The following ASTN1 variants were observed in gnomAD, a reference collection of about 807,000 sequenced individuals.
The protein encoded by ASTN1 is astrotactin 1, also known as astrotactin-1.
In ASTN1, 41 loss-of-function variants were observed where a neutral mutation model predicts 140.7. That is an observed-to-expected ratio of 0.29 (90% CI 0.23 to 0.38). The LOEUF is 0.38. ASTN1 is among the 10% of genes least tolerant of loss of function. The probability of loss-of-function intolerance (pLI) is 1.00; values close to 1 mark genes in which losing one functional copy is unlikely to be tolerated. For synonymous variants in ASTN1, 640 were observed against 652.2 expected, an observed-to-expected ratio of 0.98 and a Z score of 0.29; for missense variants, 1,479 against 1,678.8, an observed-to-expected ratio of 0.88 and a Z score of 2.08.
chr1:177,017,096 G>A (rs1305992074), intron 7 of ASTN1, among the ~76,000 whole-genome samples: 1 of 152,184 alleles, frequency 6.6e-6, no homozygotes. Context: ...CAAAGTTCAA[G>A]CCGAGCCTTA....
intron 1 of ASTN1, among the ~76,000 whole-genome samples, chr1:177,094,106 T>C (rs894014641): frequency 6.6e-6 from 1 of 152,184 alleles, no homozygotes; most frequent in Non-Finnish European, 1.5e-5. Context: ...TGATCACCAT[T>C]GTCATTTCAG....
intron 1 of ASTN1, among the ~76,000 whole-genome samples, chr1:177,084,949 T>C (rs1284297575): frequency 2.0e-5 from 3 of 152,164 alleles, no homozygotes; most frequent in East Asian, 1.9e-4. Context: ...AAGAAGGGCA[T>C]TGGCGTAAGA....
intron 14 of ASTN1, 96 bp downstream of exon 14, chr1:176,943,795 A>T: frequency 7.0e-7 from 1 of 1,420,164 alleles, no homozygotes; most frequent in South Asian, 1.6e-5. Context: ...TCACTGGCTT[A>T]GAAACCAAAA....
intron 1 of ASTN1, among the ~76,000 whole-genome samples, chr1:177,114,455 A>T (rs1239015573): frequency 6.6e-6 from 1 of 152,092 alleles, no homozygotes; most frequent in East Asian, 1.9e-4. Context: ...TTAAATTGTT[A>T]CAATTTTAAG....
intron 1 of ASTN1, among the ~76,000 whole-genome samples, chr1:177,106,291 T>TC (rs1475803202): frequency 1.3e-5 from 2 of 152,198 alleles, no homozygotes; most frequent in African/African-American, 4.8e-5. Flanking sequence ...GACACAAATG[T>TC]ATCCTTTATA....
intron 17 of ASTN1, among the ~76,000 whole-genome samples, chr1:176,891,272 T>A (rs972917686): frequency 1.3e-5 from 2 of 152,260 alleles, no homozygotes; most frequent in South Asian, 4.1e-4. Context: ...TTTCCAATTT[T>A]TGTTATTGTT....
chr1:176,979,084 G>A (rs1026782509), intron 8 of ASTN1, among the ~76,000 whole-genome samples: 2 of 152,152 alleles, frequency 1.3e-5, no homozygotes, highest in Non-Finnish European at 2.9e-5. Context: ...TCTGAAGAAG[G>A]GAAACAGTCC....
chr1:177,123,986 G>T (rs892962021), intron 1 of ASTN1, among the ~76,000 whole-genome samples: 3 of 152,172 alleles, frequency 2.0e-5, no homozygotes, highest in Non-Finnish European at 2.9e-5. Flanking sequence ...TGATTTAAGG[G>T]CATTTAATTC....
chr1:176,983,764 CT>C (rs1166434031), intron 8 of ASTN1, among the ~76,000 whole-genome samples: 1 of 152,194 alleles, frequency 6.6e-6, no homozygotes. Context: ...CTCAGTGCCC[CT>C]GTACTGTGCA....
At chr1:177,012,143 CA>C (rs1268722071) in intron 8 of ASTN1, among the ~76,000 whole-genome samples, 1 of 152,180 alleles carries the variant, frequency 6.6e-6, no homozygotes, top group African/African-American at 2.4e-5. Flanking sequence ...CATAATACCC[CA>C]ATATGTATCA....
At chr1:177,084,528 T>G in intron 1 of ASTN1, among the ~76,000 whole-genome samples, 1 of 152,230 alleles carries the variant, frequency 6.6e-6, no homozygotes, top group East Asian at 1.9e-4. Context: ...CTTCCTTGTT[T>G]TTGACTTCAA....
intron 16 of ASTN1, among the ~76,000 whole-genome samples, chr1:176,904,181 A>G (rs1571486729): frequency 6.6e-6 from 1 of 152,210 alleles, no homozygotes; most frequent in East Asian, 1.9e-4. Context: ...CACTGGCGGG[A>G]GAGCCCTTCC....
chr1:177,075,645 C>CTTT (rs5778927), intron 1 of ASTN1, among the ~76,000 whole-genome samples: 24 of 99,526 alleles, frequency 2.4e-4, no homozygotes, highest in African/African-American at 5.5e-4. Flanking sequence ...CTTTTCTTTT[C>CTTT]TTTTTTTTTT....
intron 1 of ASTN1, among the ~76,000 whole-genome samples, chr1:177,150,951 A>G (rs1683005171): frequency 6.6e-6 from 1 of 152,154 alleles, no homozygotes. Flanking sequence ...AAAATATTTA[A>G]TATCTTGCCC....
intron 2 of ASTN1, among the ~76,000 whole-genome samples, chr1:177,036,212 G>A (rs569929218): frequency 1.7e-4 from 26 of 151,584 alleles, no homozygotes; most frequent in African/African-American, 2.4e-4. Context: ...CACCACGCCC[G>A]GCTAATTTTG....
intron 1 of ASTN1, among the ~76,000 whole-genome samples, chr1:177,140,758 G>A (rs1338522307): frequency 2.6e-5 from 4 of 152,202 alleles, no homozygotes; most frequent in Non-Finnish European, 5.9e-5. Flanking sequence ...AAGGTGAGAA[G>A]TGCTATTAGA....
intron 18 of ASTN1, among the ~76,000 whole-genome samples, chr1:176,885,157 G>A (rs1460256913): frequency 1.3e-5 from 2 of 152,200 alleles, no homozygotes; most frequent in African/African-American, 4.8e-5. Flanking sequence ...TCTTCTGCCT[G>A]CTTGCCCAGA....
intron 20 of ASTN1, among the ~76,000 whole-genome samples, chr1:176,878,703 G>A (rs1454385008): frequency 3.3e-4 from 50 of 151,990 alleles, no homozygotes; most frequent in Admixed American, 3.2e-3. Flanking sequence ...CTGCCCACCT[G>A]CTCTAGACCA....
At chr1:177,104,496 T>C (rs993242970) in intron 1 of ASTN1, among the ~76,000 whole-genome samples, 3 of 152,224 alleles carry the variant, frequency 2.0e-5, no homozygotes, top group African/African-American at 7.2e-5. Flanking sequence ...GTTTGTGCTG[T>C]GACGCAGGAG....
Sources: gnomAD v4.1 joint callset for allele counts (sites outside exome capture counted in the v4.1 genomes callset) on GRCh38, gnomAD v4.1.1 for gene constraint, MANE v1.5 for transcripts, NCBI Gene and HGNC (gene_info 2026-07-23, HGNC 2026-07-21) for gene names.